ZBTB44: variants seen among roughly 807,000 people sequenced by gnomAD.
ZBTB44 encodes the protein zinc finger and BTB domain containing 44, also known as zinc finger and BTB domain-containing protein 44.
A neutral mutation model predicts 54.0 loss-of-function variants in ZBTB44; 15 were observed. That is an observed-to-expected ratio of 0.28 (90% confidence interval 0.19 to 0.43). ZBTB44 has a LOEUF of 0.43. ZBTB44 is among the 20% of genes least tolerant of loss of function. ZBTB44 has a pLI of 1.00. For missense variants in ZBTB44, 487 were observed against 707.1 expected (o/e 0.69, Z 3.53); for synonymous variants, 230 against 250.1 (o/e 0.92, Z 0.76).
At chr11:130,284,727 G>A (rs959307666) in intron 1 of ZBTB44, among the ~76,000 whole-genome samples, 1 of 152,152 alleles carries the variant, frequency 6.6e-6, no homozygotes, top group Admixed American at 6.5e-5. Context: ...TTTAGCCGAC[G>A]TGGTGGCACG....
intron 1 of ZBTB44, among the ~76,000 whole-genome samples, chr11:130,263,145 A>C (rs557551916): frequency 6.6e-6 from 1 of 152,242 alleles, no homozygotes; most frequent in South Asian, 2.1e-4. Flanking sequence ...TCACAAAAGG[A>C]TAAGGCATAA....
At chr11:130,246,187 G>C (rs1954637679) in intron 2 of ZBTB44, among the ~76,000 whole-genome samples, 2 of 152,146 alleles carry the variant, frequency 1.3e-5, no homozygotes, top group African/African-American at 4.8e-5. Flanking sequence ...TGTTTTTCTT[G>C]AAATGATGGT....
At chr11:130,241,844 G>C (rs955444426) in intron 2 of ZBTB44, among the ~76,000 whole-genome samples, 1 of 152,016 alleles carries the variant, frequency 6.6e-6, no homozygotes, top group African/African-American at 2.4e-5. Context: ...AGTTGACTTT[G>C]TGACCGAATG....
intron 1 of ZBTB44, among the ~76,000 whole-genome samples, chr11:130,275,351 T>C (rs1392334991): frequency 6.6e-6 from 1 of 152,168 alleles, no homozygotes; most frequent in African/African-American, 2.4e-5. Context: ...TTAAAATACA[T>C]TTTAAAAAAT....
intron 1 of ZBTB44, among the ~76,000 whole-genome samples, chr11:130,269,794 T>C (rs865818860): frequency 2.6e-5 from 4 of 152,330 alleles, no homozygotes; most frequent in South Asian, 2.1e-4. Flanking sequence ...TTCTGTTTTT[T>C]TTCTCATCTG....
intron 1 of ZBTB44, chr11:130,296,511 T>C (rs983448274): frequency 1.1e-6 from 1 of 904,252 alleles, no homozygotes; most frequent in African/African-American, 1.7e-5. Context: ...GCAAGAGGAC[T>C]GGACATTCCT....
chr11:130,276,152 G>A lies in ZBTB44; in HGVS notation c.-56-14223C>T, dbSNP rs1333890908. Among the ~76,000 whole-genome samples, 14 of 147,014 alleles carry A rather than the reference G, an allele frequency of 9.5e-5. 1 individual carries two copies. Among genetic ancestry groups the A allele is most frequent in the Admixed American group, 6.9e-4 (10 of 14,484 alleles). ...GAGGCAGGAGAATCGCTTGAACTCG[G>A]GAGGCAGAGGTTGCAGTGAGCTGAG... On this transcript the variant is annotated intron_variant, in intron 1 of 7. Transcript: ENST00000357899.
chr11:130,306,903 G>A (rs1942296336), intron 1 of ZBTB44, among the ~76,000 whole-genome samples: 1 of 152,040 alleles, frequency 6.6e-6, no homozygotes, highest in Admixed American at 6.5e-5. Flanking sequence ...AAGGGTGCAA[G>A]TGGGGTGAGG....
intron 2 of ZBTB44, among the ~76,000 whole-genome samples, chr11:130,257,249 A>G (rs1026631838): frequency 3.4e-5 from 5 of 148,640 alleles, no homozygotes; most frequent in African/African-American, 1.3e-4. Flanking sequence ...AAAAAAAAAA[A>G]AAAAAAAAAA....
At chr11:130,297,746 C>T (rs930405514) in intron 1 of ZBTB44, among the ~76,000 whole-genome samples, 12 of 152,278 alleles carry the variant, frequency 7.9e-5, no homozygotes, top group South Asian at 4.2e-4. Context: ...TGCCTGATTT[C>T]GAACTTCAAG....
intron 1 of ZBTB44, among the ~76,000 whole-genome samples, chr11:130,270,476 T>C (rs972888592): frequency 1.3e-5 from 2 of 152,206 alleles, no homozygotes; most frequent in African/African-American, 2.4e-5. Context: ...ATACCCTGAT[T>C]TTACAGATGA....
At chr11:130,294,636 T>C (rs935657464) in intron 1 of ZBTB44, among the ~76,000 whole-genome samples, 2 of 151,696 alleles carry the variant, frequency 1.3e-5, no homozygotes, top group African/African-American at 2.4e-5. Context: ...AACCCATTTA[T>C]GCCAGAGGTT....
In ZBTB44 at chr11:130,261,932, A is replaced by G. The variant is rs1254183267; in HGVS notation, c.-56-3T>C. On this transcript the variant is annotated splice_region_variant and splice_polypyrimidine_tract_variant and intron_variant, in intron 1 of 7. Coordinates refer to ENST00000357899, the MANE Select transcript of ZBTB44 (RefSeq NM_001301098.2). The surrounding 1 kb of genome is among the most constrained non-coding windows in gnomAD (Gnocchi z 4.8). The stretch of plus-strand genomic sequence containing the variant: ...GATGCAAATAAATCAGAAATGTCCT[A>G]AAAAATACATAAAATAAAGCATTAA... 3 of 1,474,762 alleles carry G rather than the reference A, an allele frequency of 2.0e-6. No homozygotes were observed. 91.4% of individuals were successfully genotyped at this position (1,474,762 alleles called of 1,614,324 possible).
chr11:130,293,339 T>TG (rs1941416468), intron 1 of ZBTB44, among the ~76,000 whole-genome samples: 1 of 147,680 alleles, frequency 6.8e-6, no homozygotes, highest in South Asian at 2.1e-4. Flanking sequence ...CTAAGTGTGG[T>TG]GCTGTGCACC....
intron 1 of ZBTB44, among the ~76,000 whole-genome samples, chr11:130,288,425 GT>G (rs1373508633): frequency 6.6e-6 from 1 of 151,916 alleles, no homozygotes; most frequent in Admixed American, 6.6e-5. Flanking sequence ...AACATTTCAA[GT>G]AGGTAGCCTC....
intron 3 of ZBTB44, chr11:130,239,589 C>G (rs778469450): frequency 2.9e-6 from 1 of 339,088 alleles, no homozygotes; most frequent in African/African-American, 2.1e-5. Flanking sequence ...GGTACAGATA[C>G]GATTTAAAGC....
intron 1 of ZBTB44, among the ~76,000 whole-genome samples, chr11:130,305,714 C>T (rs1942228067): frequency 1.3e-5 from 2 of 151,840 alleles, no homozygotes; most frequent in African/African-American, 4.8e-5. Flanking sequence ...AATTCATGAC[C>T]AAAAAACCAA....
At chr11:130,291,752 A>C (rs939193590) in intron 1 of ZBTB44, among the ~76,000 whole-genome samples, 2 of 152,224 alleles carry the variant, frequency 1.3e-5, no homozygotes, top group Admixed American at 6.5e-5. Flanking sequence ...TATTTATGGA[A>C]TCAATCACAT....
intron 1 of ZBTB44, among the ~76,000 whole-genome samples, chr11:130,287,747 G>A (rs1675540): frequency 0.56 from 85,154 of 151,838 alleles, 27,401 homozygotes; most frequent in South Asian, 0.69. Context: ...GGTTAGAGTG[G>A]GATTAACACT....
Sources: gnomAD v4.1 joint callset for allele counts (sites outside exome capture counted in the v4.1 genomes callset) on GRCh38, gnomAD v4.1.1 for gene constraint, Gnocchi (gnomAD v3.1) non-coding constraint, MANE v1.5 for transcripts, NCBI Gene and HGNC (gene_info 2026-07-23, HGNC 2026-07-21) for gene names.